Variants in CFHR5 observed in about 807,000 individuals in gnomAD.
CFHR5 encodes complement factor H related 5.
Under a neutral mutation model 62.9 loss-of-function variants are expected in CFHR5, and 73 were observed. The ratio of observed to expected loss-of-function variants is 1.16; its 90% confidence interval spans 0.96 to 1.41. CFHR5 has a LOEUF of 1.41. CFHR5 is among the 40% of genes most tolerant of loss of function. The pLI is 0.00. For synonymous variants in CFHR5, 249 were observed against 227.2 expected, an observed-to-expected ratio of 1.10 and a Z score of -0.86; for missense variants, 779 against 679.9, an observed-to-expected ratio of 1.15 and a Z score of -1.62.
chr1:196,978,357 T>C (rs1232676873), intron 1 of CFHR5, among the ~76,000 whole-genome samples: 1 of 152,124 alleles, frequency 6.6e-6, no homozygotes, highest in Admixed American at 6.5e-5. Context: ...CATTATAAAC[T>C]ATCCCATTTT....
At chr1:196,994,399 T>C (rs1466050644) in intron 4 of CFHR5, 143 bp downstream of exon 4, 8 of 689,408 alleles carry the variant, frequency 1.2e-5, no homozygotes, top group African/African-American at 1.8e-5. Context: ...TCTATAGTAA[T>C]TGAGCTGCAT....
At chr1:196,999,819 G>C (rs2125037476) in intron 7 of CFHR5, among the ~76,000 whole-genome samples, 1 of 147,414 alleles carries the variant, frequency 6.8e-6, no homozygotes, top group South Asian at 2.1e-4. Context: ...GTGTGTGTGT[G>C]TGTGTGTGTA....
intron 3 of CFHR5, among the ~76,000 whole-genome samples, chr1:196,993,439 C>G (rs960812785): frequency 6.6e-6 from 1 of 151,898 alleles, no homozygotes; most frequent in African/African-American, 2.4e-5. Context: ...GGACTATAGG[C>G]GCCCACCACC....
At position 196,998,177 on chromosome 1, in the gene CFHR5, A is replaced by T. The variant is rs750841234; in HGVS notation, c.1020A>T (p.Thr340=). ...RCKIAGVNIK[T]LLKLSGKEFN... is the part of the protein sequence containing the mutation. Reference sequence around the variant, plus strand: ...AAATAGCAGGAGTTAATATAAAAACATTACTCAAGCTATCTGGGAAAGAAT... The same window carrying T: ...AAATAGCAGGAGTTAATATAAAAACTTTACTCAAGCTATCTGGGAAAGAAT... Residue 340 remains threonine, a synonymous_variant, in exon 7 of 10, where the codon ACA becomes ACT. Transcript: ENST00000256785. 4.4e-6 allele frequency: 7 copies of T among 1,593,782 alleles called. No homozygotes were observed. The African/African-American group carries it at 6.8e-5, about 15-fold the overall frequency.
At chr1:196,994,918 G>A (rs1212070347) in intron 4 of CFHR5, among the ~76,000 whole-genome samples, 3 of 152,006 alleles carry the variant, frequency 2.0e-5, no homozygotes, top group Admixed American at 1.3e-4. Context: ...ATCAGAGCTC[G>A]TGAGACTTAT....
chr1:196,993,413 G>A (rs962595315), intron 3 of CFHR5, among the ~76,000 whole-genome samples: 6 of 152,122 alleles, frequency 3.9e-5, no homozygotes, highest in Middle Eastern at 3.4e-3. Context: ...ACCTGCCTCA[G>A]CCTCCCTAGT....
intron 7 of CFHR5, among the ~76,000 whole-genome samples, chr1:196,999,480 T>C (rs1654075103): frequency 6.6e-6 from 1 of 151,366 alleles, no homozygotes. Flanking sequence ...ATTAAAAGTG[T>C]ATAAAAAGTT....
Position 196,982,989 on chromosome 1 carries a change from T to C in CFHR5, c.163T>C (p.Cys55Arg). 1 of 1,614,140 alleles carries C rather than the reference T, an allele frequency of 6.2e-7. No homozygotes were observed. The highest frequency in any genetic ancestry group is 8.5e-7 in the Non-Finnish European group (1 of 1,180,016). Residue 55 changes from cysteine to arginine, a missense_variant, in exon 2 of 10, where the codon TGT becomes CGT. Cys to Arg is a radical substitution (Grantham distance 180, BLOSUM62 -3). Coordinates refer to ENST00000256785, the MANE Select transcript of CFHR5 (RefSeq NM_030787.4). ...VPTGEVFYYSCEYNFVSPSKS... is the reference protein window; with the variant it reads ...VPTGEVFYYSREYNFVSPSKS... ...TACAGGGGAAGTTTTCTATTACTCC[T>C]GTGAATATAATTTTGTGTCTCCTTC...
chr1:196,993,881 A>G (rs1354985040), intron 3 of CFHR5, among the ~76,000 whole-genome samples, 199 bp from the exon 4 acceptor site: 4 of 152,142 alleles, frequency 2.6e-5, no homozygotes, highest in Non-Finnish European at 5.9e-5. Flanking sequence ...TTACCTTGCT[A>G]TATACAGTTT....
chr1:196,983,912 C>G, intron 2 of CFHR5, 49 bp from the exon 3 acceptor site: 6 of 1,335,602 alleles, frequency 4.5e-6, no homozygotes, highest in Admixed American at 1.8e-5. Flanking sequence ...TTTAAATGCA[C>G]TTTTTTTGCT....
At chr1:197,006,710 C>CAA (rs199587226) in intron 9 of CFHR5, among the ~76,000 whole-genome samples, 3 of 141,866 alleles carry the variant, frequency 2.1e-5, no homozygotes, top group Non-Finnish European at 3.0e-5. Flanking sequence ...GAAACTCCGT[C>CAA]AAAAAAAAAA....
At chr1:196,984,261 C>A (rs892513869) in intron 3 of CFHR5, 124 bp downstream of exon 3, 3 of 889,212 alleles carry the variant, frequency 3.4e-6, no homozygotes, top group East Asian at 2.7e-5. Flanking sequence ...ATTTGATTTT[C>A]GGTTCCAATT....
rs547954704 is a variant in CFHR5, at chr1:197,007,319, T to C, written c.1514-1168T>C. Among the ~76,000 whole-genome samples, 160 of 152,228 alleles carry C rather than the reference T, an allele frequency of 1.1e-3. 2 individuals carry two copies. Among genetic ancestry groups the C allele is most frequent in the African/African-American group, 3.5e-3 (147 of 41,516 alleles). ...GATAACTTCAAAATTTCTCGATTTA[T>C]GGAGAATATTCTCAGGTGCTTAACA... On this transcript the variant is annotated intron_variant, in intron 9 of 9. Coordinates refer to ENST00000256785, the MANE Select transcript of CFHR5 (RefSeq NM_030787.4).
At chr1:196,979,282 G>GTGTA (rs1653476126) in intron 1 of CFHR5, among the ~76,000 whole-genome samples, 1 of 150,840 alleles carries the variant, frequency 6.6e-6, no homozygotes, top group Non-Finnish European at 1.5e-5. Flanking sequence ...GTGTGTGTGT[G>GTGTA]TGTGTACACT....
chr1:196,995,640 GT>G, intron 4 of CFHR5, 76 bp from the exon 5 acceptor site: 1 of 1,302,490 alleles, frequency 7.7e-7, no homozygotes. Context: ...TAATTTCTAA[GT>G]CAAAAATTTA....
intron 9 of CFHR5, among the ~76,000 whole-genome samples, chr1:197,005,770 G>A (rs768146224): frequency 8.6e-5 from 13 of 151,962 alleles, no homozygotes; most frequent in Non-Finnish European, 1.6e-4. Flanking sequence ...CCAGAAGTTT[G>A]TTATAGTCTT....
rs116891819 is a variant in CFHR5, at chr1:196,998,398, G to A, written c.1147+94G>A. On this transcript the variant is annotated intron_variant, in intron 7 of 9. Coordinates refer to ENST00000256785, the MANE Select transcript of CFHR5 (RefSeq NM_030787.4). ...AATGTTTTTAAATTAAATATTTATT[G>A]TGGCATATAATTTCTATGCTAATAG... 3.9e-6 allele frequency: 4 copies of A among 1,038,680 alleles called. No individual in the cohort carries two copies. The African/African-American group carries it at 4.8e-5, about 12-fold the overall frequency. The allele number at this position is 1,038,680 out of a possible 1,614,324, so 64.3% of individuals were successfully genotyped here.
intron 8 of CFHR5, among the ~76,000 whole-genome samples, chr1:197,003,774 T>C (rs969463307): frequency 6.6e-6 from 1 of 152,124 alleles, no homozygotes; most frequent in African/African-American, 2.4e-5. Flanking sequence ...ATGAGGCAGT[T>C]ACCGGATAGA....
chr1:196,990,154 G>A (rs1653807509), intron 3 of CFHR5, among the ~76,000 whole-genome samples: 1 of 151,442 alleles, frequency 6.6e-6, no homozygotes, highest in African/African-American at 2.4e-5. Context: ...ATCCTTGTTG[G>A]TTTAAATTCT....
Sources: allele counts gnomAD v4.1 joint callset (sites outside exome capture counted in the v4.1 genomes callset), GRCh38; gene constraint gnomAD v4.1.1; transcripts MANE v1.5; gene names NCBI Gene and HGNC (gene_info 2026-07-23, HGNC 2026-07-21).